KCNMA1: variants seen among roughly 807,000 people sequenced by gnomAD.
KCNMA1 encodes Calcium-activated potassium channel subunit alpha-1.
A neutral mutation model predicts 140.0 loss-of-function variants in KCNMA1; 29 were observed. The ratio of observed to expected loss-of-function variants is 0.21; its 90% CI spans 0.15 to 0.28. KCNMA1 has a LOEUF of 0.28. Among genes scored for constraint, KCNMA1 ranks in the 10% least tolerant of loss-of-function variants. The pLI is 1.00. For missense variants in KCNMA1, 880 were observed against 1,602.2 expected (o/e 0.55, Z 7.70); for synonymous variants, 612 against 611.9 (o/e 1.00, Z 0.00).
chr10:76,999,436 A>C (rs1199795407), intron 19 of KCNMA1, among the ~76,000 whole-genome samples: 3 of 152,194 alleles, frequency 2.0e-5, no homozygotes, highest in African/African-American at 7.2e-5. Context: ...ATTAGGCAGA[A>C]GAGTAACCCG....
At chr10:77,425,240 T>C (rs553092152) in intron 1 of KCNMA1, among the ~76,000 whole-genome samples, 87 of 152,310 alleles carry the variant, frequency 5.7e-4, no homozygotes, top group African/African-American at 1.9e-3. Context: ...TTATTTAACA[T>C]TGTAGTCACT....
chr10:77,316,978 T>A (rs2081060008), intron 2 of KCNMA1, among the ~76,000 whole-genome samples: 1 of 152,186 alleles, frequency 6.6e-6, no homozygotes, highest in South Asian at 2.1e-4. Context: ...TCTTTCTGGG[T>A]CATGCCCTCA....
intron 2 of KCNMA1, among the ~76,000 whole-genome samples, chr10:77,329,074 T>C (rs1171724722): frequency 6.6e-6 from 1 of 152,092 alleles, no homozygotes; most frequent in Non-Finnish European, 1.5e-5. Flanking sequence ...TCTCCTGACC[T>C]TGTGATCCCC....
intron 3 of KCNMA1, among the ~76,000 whole-genome samples, chr10:77,190,578 A>G (rs1208022085): frequency 6.6e-6 from 1 of 152,176 alleles, no homozygotes; most frequent in African/African-American, 2.4e-5. Context: ...ATGGGGGTTG[A>G]CTGATTCATA....
At chr10:77,420,208 C>G (rs1276837995) in intron 1 of KCNMA1, among the ~76,000 whole-genome samples, 1 of 152,208 alleles carries the variant, frequency 6.6e-6, no homozygotes, top group Non-Finnish European at 1.5e-5. Flanking sequence ...AATCAGGAGT[C>G]TAGATTGAGT....
At chr10:77,614,081 T>C (rs1396555615) in intron 1 of KCNMA1, among the ~76,000 whole-genome samples, 1 of 152,116 alleles carries the variant, frequency 6.6e-6, no homozygotes, top group Non-Finnish European at 1.5e-5. Context: ...TCTAGTCTAC[T>C]TGGAGCCTGG....
chr10:77,546,523 T>C (rs2061496719), intron 1 of KCNMA1, among the ~76,000 whole-genome samples: 1 of 152,242 alleles, frequency 6.6e-6, no homozygotes, highest in African/African-American at 2.4e-5. Flanking sequence ...CAGCCTGAGC[T>C]ATCCATGTCC....
At chr10:77,355,318 A>G (rs1278484343) in intron 2 of KCNMA1, 1 of 152,974 alleles carries the variant, frequency 6.5e-6, no homozygotes, top group Non-Finnish European at 1.5e-5. Flanking sequence ...TCCGTTGTCC[A>G]CTTCCTCCTT....
At chr10:77,400,540 G>A (rs757972790) in intron 2 of KCNMA1, among the ~76,000 whole-genome samples, 45 of 152,188 alleles carry the variant, frequency 3.0e-4, no homozygotes, top group African/African-American at 9.7e-4. Context: ...CATTATCTTC[G>A]ACTGGGAAGT....
chr10:77,410,963 C>T (rs2096605977), intron 1 of KCNMA1, among the ~76,000 whole-genome samples: 1 of 152,228 alleles, frequency 6.6e-6, no homozygotes, highest in Admixed American at 6.5e-5. Flanking sequence ...GTGCTGTCTG[C>T]AAGCTGCATG....
intron 1 of KCNMA1, among the ~76,000 whole-genome samples, chr10:77,502,260 A>G (rs2119058): frequency 0.078 from 11,827 of 152,252 alleles, 1,323 homozygotes; most frequent in African/African-American, 0.25. Context: ...CCTTTTCTTC[A>G]TAGCATTTCC....
intron 18 of KCNMA1, among the ~76,000 whole-genome samples, chr10:77,007,651 G>GTGTGTGTGTATATATATATATATATATA (rs1555100531): frequency 7.1e-4 from 6 of 8,398 alleles, no homozygotes; most frequent in Admixed American, 2.6e-3. Flanking sequence ...TATTGTGTGT[G>GTGTGTGTGTATATATATATATATATATA]TGTATATATA....
At chr10:77,566,819 T>TA (rs2068497070) in intron 1 of KCNMA1, among the ~76,000 whole-genome samples, 1 of 151,860 alleles carries the variant, frequency 6.6e-6, no homozygotes, top group Non-Finnish European at 1.5e-5. Context: ...TGGTCTTGCA[T>TA]TCTTCGGCTA....
At chr10:76,887,693 G>A in intron 27 of KCNMA1, 178 bp from the exon 28 acceptor site, 1 of 708,454 alleles carries the variant, frequency 1.4e-6, no homozygotes, top group East Asian at 2.8e-5. Flanking sequence ...AACTTCCTCT[G>A]TTTAACTCAA....
At chr10:77,316,409 CGTT>C (rs1326991921) in intron 2 of KCNMA1, among the ~76,000 whole-genome samples, 3 of 152,156 alleles carry the variant, frequency 2.0e-5, no homozygotes, top group African/African-American at 7.2e-5. Flanking sequence ...AAGGAAGACT[CGTT>C]GTAAAATACA....
At chr10:77,505,404 C>T (rs1455716835) in intron 1 of KCNMA1, among the ~76,000 whole-genome samples, 1 of 152,210 alleles carries the variant, frequency 6.6e-6, no homozygotes, top group Non-Finnish European at 1.5e-5. Context: ...CTTTACAAGG[C>T]TCTAGGAGAT....
At chr10:77,313,764 T>C (rs1169789259) in intron 2 of KCNMA1, among the ~76,000 whole-genome samples, 1 of 152,160 alleles carries the variant, frequency 6.6e-6, no homozygotes, top group East Asian at 1.9e-4. Flanking sequence ...AGTGAATCAA[T>C]GAGTAAGTGA....
At chr10:76,890,378 A>T (rs1466488086) in intron 26 of KCNMA1, among the ~76,000 whole-genome samples, 1 of 152,162 alleles carries the variant, frequency 6.6e-6, no homozygotes, top group Non-Finnish European at 1.5e-5. Flanking sequence ...CCTTCCAATC[A>T]TTGGAATTCT....
At chr10:77,506,586 A>AGTGTGTGT (rs1430914516) in intron 1 of KCNMA1, among the ~76,000 whole-genome samples, 2 of 107,608 alleles carry the variant, frequency 1.9e-5, no homozygotes, top group African/African-American at 1.1e-4. Flanking sequence ...AGAGAGAGAG[A>AGTGTGTGT]GAGAGAGAGA....
Sources: gnomAD v4.1 joint callset for allele counts (sites outside exome capture counted in the v4.1 genomes callset) on GRCh38, gnomAD v4.1.1 for gene constraint, MANE v1.5 for transcripts, NCBI Gene and HGNC (gene_info 2026-07-23, HGNC 2026-07-21) for gene names.